ACVR2A: variants seen among roughly 807,000 people sequenced by gnomAD.
ACVR2A encodes the protein activin receptor type-2A.
Under a neutral mutation model 61.4 loss-of-function variants are expected in ACVR2A, and 7 were observed. That is an observed-to-expected ratio of 0.11 (90% CI 0.06 to 0.21). The LOEUF (loss-of-function observed/expected upper bound fraction) is 0.21, where lower values mean the gene tolerates loss of function less well. Among genes scored for constraint, ACVR2A ranks in the 10% least tolerant of loss-of-function variants. The pLI, the probability that ACVR2A is intolerant of heterozygous loss-of-function variation, is 1.00. For synonymous variants in ACVR2A, 193 were observed against 208.3 expected, an observed-to-expected ratio of 0.93 and a Z score of 0.63; for missense variants, 322 against 621.7, an observed-to-expected ratio of 0.52 and a Z score of 5.13.
intron 1 of ACVR2A, among the ~76,000 whole-genome samples, chr2:147,860,070 G>A (rs1215239006): frequency 6.6e-6 from 1 of 152,136 alleles, no homozygotes. Flanking sequence ...GGTGTGAAGA[G>A]AATGGTTAGG....
intron 1 of ACVR2A, among the ~76,000 whole-genome samples, chr2:147,894,744 C>T (rs1050825651): frequency 2.0e-5 from 3 of 151,990 alleles, no homozygotes; most frequent in African/African-American, 4.8e-5. Context: ...TCATTGGAAA[C>T]GCATACTTGT....
At chr2:147,914,248 C>T (rs1023482489) in intron 4 of ACVR2A, among the ~76,000 whole-genome samples, 1 of 151,846 alleles carries the variant, frequency 6.6e-6, no homozygotes, top group Non-Finnish European at 1.5e-5. Context: ...ATTATGCAGC[C>T]CTCCAAACCC....
chr2:147,845,685 T>C (rs1685294194), intron 1 of ACVR2A, among the ~76,000 whole-genome samples: 1 of 152,216 alleles, frequency 6.6e-6, no homozygotes, highest in Non-Finnish European at 1.5e-5. Context: ...TAATTTTGGC[T>C]GTGGGAAACA....
At position 147,852,755 on chromosome 2, in the gene ACVR2A, C is replaced by T. The variant is rs147281492; in HGVS notation, c.55+7548C>T. 4.6e-3 allele frequency among the ~76,000 whole-genome samples: 693 copies of T among 151,914 alleles called. 4 individuals are homozygous for T. The highest frequency in any genetic ancestry group is 7.3e-3 in the Non-Finnish European group (495 of 67,888). On this transcript the variant is annotated intron_variant, in intron 1 of 10. Transcript: ENST00000241416. ...TTAGTACTGGAAAAAAAGTCTTAGA[C>T]GGAGATTAGGAAGGATGTTAATATG... is the stretch of plus-strand genomic sequence containing the variant.
At chr2:147,882,748 G>A (rs928634005) in intron 1 of ACVR2A, among the ~76,000 whole-genome samples, 6 of 152,094 alleles carry the variant, frequency 3.9e-5, no homozygotes, top group Non-Finnish European at 8.8e-5. Context: ...TTAGTTAGAT[G>A]GATGGAATCT....
intron 1 of ACVR2A, among the ~76,000 whole-genome samples, chr2:147,853,418 T>G (rs530875540): frequency 6.6e-6 from 1 of 152,190 alleles, no homozygotes; most frequent in East Asian, 1.9e-4. Context: ...TTCTTTGAAA[T>G]CTGTATGAGA....
chr2:147,917,162 T>A (rs948127115), intron 5 of ACVR2A, 121 bp from the exon 6 acceptor site: 121 of 1,102,464 alleles, frequency 1.1e-4, no homozygotes, highest in Middle Eastern at 3.1e-4. Context: ...GAACAAAAAA[T>A]TTTTTAAGAC....
intron 1 of ACVR2A, among the ~76,000 whole-genome samples, chr2:147,872,942 G>GT (rs889130479): frequency 1.3e-5 from 2 of 151,842 alleles, no homozygotes; most frequent in African/African-American, 4.8e-5. Flanking sequence ...CAAGAAGGTG[G>GT]TTTATGTGTT....
Position 147,896,430 on chromosome 2 carries a change from C to T in ACVR2A, c.185C>T (p.Ala62Val), listed in dbSNP as rs1228095992. The T allele has an allele frequency of 6.2e-7, 1 of 1,613,924 alleles. No individual in the cohort carries two copies. The highest frequency in any genetic ancestry group is 1.1e-5 in the South Asian group (1 of 91,076). Residue 62 changes from alanine to valine, a missense_variant, in exon 2 of 11, where the codon GCT (alanine) becomes GTT (valine). This residue lies in a region of ACVR2A where 142 missense variants were observed against 200.3 expected (regional missense o/e 0.71). Coordinates refer to ENST00000241416, the MANE Select transcript of ACVR2A (RefSeq NM_001616.5). The part of the protein sequence containing the change: ...GDKDKRRHCF[A>V]TWKNISGSIE... Reference sequence around the variant, plus strand: ...AAAGATAAACGGCGGCATTGTTTTGCTACCTGGAAGAATATTTCTGGTTCC... The same window carrying T: ...AAAGATAAACGGCGGCATTGTTTTGTTACCTGGAAGAATATTTCTGGTTCC...
chr2:147,872,932 C>T (rs1472099772), intron 1 of ACVR2A, among the ~76,000 whole-genome samples: 3 of 151,814 alleles, frequency 2.0e-5, no homozygotes, highest in Non-Finnish European at 4.4e-5. Context: ...CTAGGGTAGG[C>T]AAGAAGGTGG....
chr2:147,847,835 GTTTA>G (rs1055465608), intron 1 of ACVR2A, among the ~76,000 whole-genome samples: 3 of 152,068 alleles, frequency 2.0e-5, no homozygotes, highest in Admixed American at 6.5e-5. Context: ...TAGCATTGTG[GTTTA>G]TTTGTGTCTT....
intron 4 of ACVR2A, among the ~76,000 whole-genome samples, chr2:147,903,263 T>C (rs947793250): frequency 6.6e-6 from 1 of 151,462 alleles, no homozygotes; most frequent in African/African-American, 2.4e-5. Context: ...TTTTTTTTTT[T>C]CATAAGTCCT....
At chr2:147,891,585 A>G (rs1301360458) in intron 1 of ACVR2A, among the ~76,000 whole-genome samples, 1 of 152,154 alleles carries the variant, frequency 6.6e-6, no homozygotes, top group Non-Finnish European at 1.5e-5. Context: ...AAATCCAAAA[A>G]AAGAATAATA....
chr2:147,901,000 A>G (rs1686860300), intron 4 of ACVR2A, among the ~76,000 whole-genome samples: 1 of 152,108 alleles, frequency 6.6e-6, no homozygotes, highest in Non-Finnish European at 1.5e-5. Flanking sequence ...ATAGAGAAAT[A>G]AACCCAAAGG....
chr2:147,844,944 T>G, upstream of ACVR2A: 105 of 483,852 alleles, frequency 2.2e-4, no homozygotes, highest in Non-Finnish European at 2.5e-4. Flanking sequence ...CCGTGGTGCA[T>G]TTTATTTTTT....
At chr2:147,883,864 T>C (rs1354263714) in intron 1 of ACVR2A, among the ~76,000 whole-genome samples, 1 of 152,194 alleles carries the variant, frequency 6.6e-6, no homozygotes, top group Non-Finnish European at 1.5e-5. Flanking sequence ...TCCTCAAAGA[T>C]GATTTCACAT....
At chr2:147,879,117 A>G (rs192421558) in intron 1 of ACVR2A, among the ~76,000 whole-genome samples, 115 of 152,236 alleles carry the variant, frequency 7.6e-4, no homozygotes, top group Non-Finnish European at 1.2e-3. Context: ...ATTAGAGATG[A>G]TATTTTGCTT....
intron 1 of ACVR2A, among the ~76,000 whole-genome samples, chr2:147,845,734 C>A (rs1338143822): frequency 6.6e-6 from 1 of 152,154 alleles, no homozygotes; most frequent in Non-Finnish European, 1.5e-5. Flanking sequence ...TCTCCCCTCA[C>A]GTTTTCTTCA....
At chr2:147,890,648 A>G (rs1044543273) in intron 1 of ACVR2A, among the ~76,000 whole-genome samples, 1 of 152,184 alleles carries the variant, frequency 6.6e-6, no homozygotes, top group Non-Finnish European at 1.5e-5. Flanking sequence ...CTTTGATAGA[A>G]TAAACCTATG....
Sources: gnomAD v4.1 joint callset for allele counts (sites outside exome capture counted in the v4.1 genomes callset) on GRCh38, gnomAD v4.1.1 for gene constraint, gnomAD v4.1.1 regional missense constraint, MANE v1.5 for transcripts, NCBI Gene and HGNC (gene_info 2026-07-23, HGNC 2026-07-21) for gene names.